Variants in RUNX1T1 observed in about 807,000 individuals in gnomAD.
The protein encoded by RUNX1T1 is protein CBFA2T1.
RUNX1T1 carries 4 observed loss-of-function variants against 62.8 expected under a neutral mutation model. The observed-to-expected ratio is 0.06, with a 90% CI of 0.03 to 0.15. The LOEUF is 0.15. Ranked by LOEUF, RUNX1T1 falls within the 10% of genes least tolerant of loss-of-function variation. RUNX1T1 has a pLI of 1.00. For missense variants in RUNX1T1, 508 were observed against 754.3 expected (o/e 0.67, Z 3.82); for synonymous variants, 291 against 286.0 (o/e 1.02, Z -0.18).
intron 1 of RUNX1T1, among the ~76,000 whole-genome samples, chr8:92,084,298 G>A (rs1199281283): frequency 6.6e-6 from 1 of 150,898 alleles, no homozygotes; most frequent in African/African-American, 2.4e-5. Flanking sequence ...AGTAGGAGGT[G>A]GGGGTGGGGG....
At chr8:92,022,960 T>C (rs992174397) in intron 1 of RUNX1T1, among the ~76,000 whole-genome samples, 13 of 152,172 alleles carry the variant, frequency 8.5e-5, no homozygotes, top group Admixed American at 7.2e-4. Flanking sequence ...AGCCCTGACT[T>C]TGTTCAGGTA....
chr8:91,975,871 GA>G, intron 9 of RUNX1T1, 33 bp downstream of exon 10: 1 of 1,450,754 alleles, frequency 6.9e-7, no homozygotes, highest in Non-Finnish European at 9.7e-7. Context: ...ACAGCTGCCA[GA>G]ACACGAAACT....
chr8:91,955,282 C>A (rs77807575), downstream of RUNX1T1: 4,914 of 223,034 alleles, frequency 0.022, 255 homozygotes, highest in African/African-American at 0.1. Flanking sequence ...ACTAAGTCAA[C>A]GGGTTCCATT....
chr8:92,096,521 T>C (rs1038612621), intron 1 of RUNX1T1, among the ~76,000 whole-genome samples: 3 of 152,160 alleles, frequency 2.0e-5, no homozygotes, highest in African/African-American at 7.2e-5. Context: ...AATGTGAACA[T>C]CTGATCAGCT....
chr8:92,017,329 T>C, exon 2 of RUNX1T1: 1 of 1,613,700 alleles, frequency 6.2e-7, no homozygotes. Flanking sequence ...CATCCACAGG[T>C]GAGTCTGGCA....
chr8:92,022,684 C>A (rs1490453829), intron 1 of RUNX1T1, among the ~76,000 whole-genome samples: 1 of 152,144 alleles, frequency 6.6e-6, no homozygotes, highest in Non-Finnish European at 1.5e-5. Flanking sequence ...CATTTCCCAG[C>A]CTCCAGAAGT....
At chr8:92,010,757 A>G in intron 4 of RUNX1T1, 1 of 362,082 alleles carries the variant, frequency 2.8e-6, no homozygotes, top group Non-Finnish European at 4.9e-6. Context: ...AAAAATGAAC[A>G]AAACCTTTAT....
chr8:92,060,816 G>C (rs1259663284), intron 1 of RUNX1T1, among the ~76,000 whole-genome samples: 1 of 151,940 alleles, frequency 6.6e-6, no homozygotes, highest in Non-Finnish European at 1.5e-5. Flanking sequence ...GTCAAAAATA[G>C]CCAAGTGTCA....
intron 1 of RUNX1T1, among the ~76,000 whole-genome samples, chr8:92,083,467 A>G (rs1421773159): frequency 6.6e-6 from 1 of 152,230 alleles, no homozygotes; most frequent in African/African-American, 2.4e-5. Flanking sequence ...AAAATAAGAC[A>G]TTTATACAGA....
At chr8:92,093,189 C>T (rs1032556970) in intron 1 of RUNX1T1, among the ~76,000 whole-genome samples, 2 of 152,116 alleles carry the variant, frequency 1.3e-5, no homozygotes, top group Non-Finnish European at 2.9e-5. Context: ...TTGTTCTAAA[C>T]ACTGTAAAGG....
At chr8:91,962,648 CTCA>C (rs1329123893) in intron 10 of RUNX1T1, among the ~76,000 whole-genome samples, 1 of 152,216 alleles carries the variant, frequency 6.6e-6, no homozygotes, top group African/African-American at 2.4e-5. Context: ...AGGTATAATA[CTCA>C]GTGCTCAGAG....
At chr8:92,054,388 G>A (rs1830696381) in intron 1 of RUNX1T1, among the ~76,000 whole-genome samples, 1 of 152,120 alleles carries the variant, frequency 6.6e-6, no homozygotes, top group Non-Finnish European at 1.5e-5. Flanking sequence ...CTGTTTTGTG[G>A]GGGGTTAAAC....
chr8:92,095,564 A>G (rs1224811665), intron 1 of RUNX1T1: 2 of 1,451,890 alleles, frequency 1.4e-6, no homozygotes, highest in Non-Finnish European at 1.8e-6. Flanking sequence ...TGGAGGCAGG[A>G]AAATAAACAG....
intron 5 of RUNX1T1, among the ~76,000 whole-genome samples, chr8:91,992,133 T>C (rs939709413): frequency 2.6e-5 from 4 of 152,298 alleles, no homozygotes; most frequent in East Asian, 3.9e-4. Flanking sequence ...ATCTTTTCAG[T>C]TGAAGCTCAT....
chr8:91,980,495 A>G (rs1212481622), intron 8 of RUNX1T1, among the ~76,000 whole-genome samples: 1 of 152,232 alleles, frequency 6.6e-6, no homozygotes, highest in Non-Finnish European at 1.5e-5. Context: ...CATTTAAGAC[A>G]GGAATCTTTT....
intron 8 of RUNX1T1, among the ~76,000 whole-genome samples, chr8:91,982,236 CAAA>C (rs34745107): frequency 2.0e-4 from 16 of 79,188 alleles, no homozygotes; most frequent in Admixed American, 2.9e-4. Flanking sequence ...GACCCTGTCT[CAAA>C]AAAAAAAAAA....
chr8:92,050,009 C>A (rs1233402526), intron 1 of RUNX1T1, among the ~76,000 whole-genome samples: 1 of 151,962 alleles, frequency 6.6e-6, no homozygotes, highest in Non-Finnish European at 1.5e-5. Context: ...TGCATTGTAA[C>A]CTTCATATAT....
chr8:92,062,459 TGGGGCAGAAGGTA>T (rs1337066325), intron 1 of RUNX1T1: 1 of 1,408,462 alleles, frequency 7.1e-7, no homozygotes, highest in Non-Finnish European at 1.0e-6. Context: ...CAACACGCTG[TGGGGCAGAAGGTA>T]TTTTCCATGC....
At chr8:92,000,888 TGA>T (rs1276689133) in intron 5 of RUNX1T1, among the ~76,000 whole-genome samples, 1 of 152,216 alleles carries the variant, frequency 6.6e-6, no homozygotes, top group Non-Finnish European at 1.5e-5. Flanking sequence ...AAGTCTTAGT[TGA>T]GTTTCCTTAT....
Sources: gnomAD v4.1 joint callset for allele counts (sites outside exome capture counted in the v4.1 genomes callset) on GRCh38, gnomAD v4.1.1 for gene constraint, MANE v1.5 for transcripts, NCBI Gene and HGNC (gene_info 2026-07-23, HGNC 2026-07-21) for gene names.